Variants in PCARE observed in about 807,000 individuals in gnomAD.
The protein encoded by PCARE is photoreceptor cilium actin regulator.
A neutral mutation model predicts 82.2 loss-of-function variants in PCARE; 72 were observed. The ratio of observed to expected loss-of-function variants is 0.88; its 90% CI spans 0.72 to 1.07. The LOEUF is 1.07. PCARE is among the 50% of genes least tolerant of loss of function. PCARE has a pLI of 0.00. For synonymous variants in PCARE, 705 were observed against 634.8 expected, an observed-to-expected ratio of 1.11 and a Z score of -1.66; for missense variants, 1,768 against 1,592.4, an observed-to-expected ratio of 1.11 and a Z score of -1.88.
chr2:29,065,191 C>G lies in PCARE; in HGVS notation c.3669-124G>C, dbSNP rs1667374155. On this transcript the variant is annotated intron_variant, in intron 1 of 1. Transcript: ENST00000331664. The stretch of plus-strand genomic sequence containing the variant: ...GCCCTCTCCCACAAGCCTGTTCACC[C>G]TGGGTGCCAGGCCTCTGCCCTCTGT... 4 of 1,181,136 alleles carry G rather than the reference C, an allele frequency of 3.4e-6. No homozygotes were observed. In the South Asian group the frequency reaches 3.9e-5, roughly 12 times the overall value. The allele number at this position is 1,181,136 out of a possible 1,614,324, so 73.2% of individuals were successfully genotyped here. A position where few individuals can be genotyped will look rare whatever the true frequency, so the allele number is the denominator to read the frequency against.
rs760312266 is a variant in PCARE, at chr2:29,071,457, C to T, written c.2805G>A (p.Glu935=). The T allele has an allele frequency of 3.1e-6, 5 of 1,612,834 alleles. No individual in the cohort carries two copies. The highest frequency in any genetic ancestry group is 4.2e-6 in the Non-Finnish European group (5 of 1,179,984). ...CCTGACTCCAAGTCCCACCCTTCACCTCGGGGCTTTGGCTGGTGGCTGGTG... is the reference window on the plus strand; with the variant it reads ...CCTGACTCCAAGTCCCACCCTTCACTTCGGGGCTTTGGCTGGTGGCTGGTG... ...SSPPATSQSP[E]VKGGTWSQAE... Residue 935 remains glutamate, a synonymous_variant, in exon 1 of 2, where the codon GAG becomes GAA. Coordinates refer to ENST00000331664, the MANE Select transcript of PCARE (RefSeq NM_001029883.3).
At position 29,073,345 on chromosome 2, in the gene PCARE, T is replaced by A. The variant is rs771501919; in HGVS notation, c.917A>T (p.His306Leu). 2 of 1,613,888 alleles carry A rather than the reference T, an allele frequency of 1.2e-6. No individual in the cohort carries two copies. The highest frequency in any genetic ancestry group is 2.2e-5 in the South Asian group (2 of 91,072). ...TTTTGTGCTCAGCTTATTTTCCAAG[T>A]GGGTTGCAGTGGAGTGGAGGTAGCT... ...SSSYLHSTAT[H>L]LENKLSTKRN... Residue 306 changes from histidine (H) to leucine (L), a missense_variant, in exon 1 of 2, where the codon CAC becomes CTC. Coordinates refer to ENST00000331664, the MANE Select transcript of PCARE (RefSeq NM_001029883.3).
rs746749375 is a variant in PCARE, at chr2:29,072,065, T to G, written c.2197A>C (p.Lys733Gln). 25 of 1,614,082 alleles carry G rather than the reference T, an allele frequency of 1.5e-5. No individual in the cohort carries two copies. Among genetic ancestry groups the G allele is most frequent in the African/African-American group, 2.7e-5 (2 of 74,926 alleles). Reference sequence around the variant, plus strand: ...GTGGGACTGAAAGTTTCAATAAGCTTCTTGACGGATGTTCTGGTGGGACAG... The same window carrying G: ...GTGGGACTGAAAGTTTCAATAAGCTGCTTGACGGATGTTCTGGTGGGACAG... ...RGCPTRTSVK[K>Q]LIETFSPTES... Residue 733 changes from lysine to glutamine, a missense_variant, in exon 1 of 2, where the codon AAG becomes CAG. Coordinates refer to ENST00000331664, the MANE Select transcript of PCARE (RefSeq NM_001029883.3).
intron 1 of PCARE, among the ~76,000 whole-genome samples, chr2:29,066,736 G>A (rs2148413325): frequency 6.6e-6 from 1 of 152,390 alleles, no homozygotes; most frequent in Non-Finnish European, 1.5e-5. Flanking sequence ...CCCCATCACA[G>A]GTCCCTACAG....
Position 29,071,249 on chromosome 2 carries a change from C to T in PCARE, c.3013G>A (p.Ala1005Thr). 6.2e-7 allele frequency: 1 copy of T among 1,613,066 alleles called. No homozygotes were observed. Residue 1005 changes from alanine to threonine, a missense_variant, in exon 1 of 2, where the codon GCA becomes ACA. Ala to Thr is a moderately conservative substitution (Grantham distance 58). Coordinates refer to ENST00000331664, the MANE Select transcript of PCARE (RefSeq NM_001029883.3). ...GGAAGGCTCCGGCGCCTCTTGTCTGCTTGAGGCACCCAGTGTGTCCTCGTG... is the reference window on the plus strand; with the variant it reads ...GGAAGGCTCCGGCGCCTCTTGTCTGTTTGAGGCACCCAGTGTGTCCTCGTG... The part of the protein sequence containing the change: ...SPTRTHWVPQ[A>T]DKRRRSLPSS...
rs1024370222 is a variant in PCARE, at chr2:29,071,689, G to T, written c.2573C>A (p.Ser858Tyr). 2 of 1,614,164 alleles carry T rather than the reference G, an allele frequency of 1.2e-6. No homozygotes were observed. The highest frequency in any genetic ancestry group is 3.3e-5 in the Admixed American group (2 of 60,022). Reference sequence around the variant, plus strand: ...CCCTGGCTCCTGGGTTTCCTTGGGGGAGTTCTCTGTGGACTTGCTGCTTTC... The same window carrying T: ...CCCTGGCTCCTGGGTTTCCTTGGGGTAGTTCTCTGTGGACTTGCTGCTTTC... ...SPESSKSTEN[S>Y]PKETQEPGPG... Residue 858 changes from serine to tyrosine, a missense_variant, in exon 1 of 2, where the codon TCC becomes TAC. By Grantham distance (144) the Ser-to-Tyr change is moderately radical (BLOSUM62 -2). Transcript: ENST00000331664.
In PCARE at chr2:29,074,361, T is replaced by C; in HGVS notation, c.-100A>G. 3 of 1,295,630 alleles carry C rather than the reference T, an allele frequency of 2.3e-6. No homozygotes were observed. The highest frequency in any genetic ancestry group is 3.1e-6 in the Non-Finnish European group (3 of 953,930). 80.3% of individuals were successfully genotyped at this position (1,295,630 alleles called of 1,614,324 possible). On this transcript the variant is annotated 5_prime_UTR_variant, in exon 1 of 2. Transcript: ENST00000331664. ...CAATCTTACTAGTCCATCCAGGCAA[T>C]TTTCAGGCCAGAATTCTTTGAAGTC...
intron 1 of PCARE, among the ~76,000 whole-genome samples, chr2:29,067,302 C>A (rs1361280412): frequency 6.6e-6 from 1 of 152,190 alleles, no homozygotes; most frequent in Non-Finnish European, 1.5e-5. Context: ...AAAATGCTTG[C>A]CATTCACAGG....
rs1667332883 is a variant in PCARE, at chr2:29,062,897, T to G, written c.*1972A>C. On this transcript the variant is annotated 3_prime_UTR_variant, in exon 2 of 2. Coordinates refer to ENST00000331664, the MANE Select transcript of PCARE (RefSeq NM_001029883.3). ...CCCTGCAGCTGGGGAACAGCTTCGT[T>G]TCCTCGGACCTCCAGGAATCCTGCC... 1 of 152,266 alleles carries G rather than the reference T, an allele frequency of 6.6e-6. No individual in the cohort carries two copies. Among genetic ancestry groups the G allele is most frequent in the South Asian group, 2.1e-4 (1 of 4,826 alleles). The allele number at this position is 152,266 out of a possible 1,614,324, so 9.4% of individuals were successfully genotyped here.
At position 29,071,824 on chromosome 2, in the gene PCARE, G is replaced by C; in HGVS notation, c.2438C>G (p.Ala813Gly). The C allele has an allele frequency of 6.2e-7, 1 of 1,614,198 alleles. No individual in the cohort carries two copies. The highest frequency in any genetic ancestry group is 8.5e-7 in the Non-Finnish European group (1 of 1,180,006). ...PIFPPLPKAE[A>G]AKSEELSCEM... ...ACAGCTGAGCTCCTCACTCTTGGCT[G>C]CTTCTGCTTTAGGCAGAGGGGGAAA... Residue 813 changes from alanine (A) to glycine (G), a missense_variant, in exon 1 of 2, where the codon GCA becomes GGA. Physicochemically the swap from Ala to Gly is moderately conservative, Grantham distance 60 (BLOSUM62 0). Coordinates refer to ENST00000331664, the MANE Select transcript of PCARE (RefSeq NM_001029883.3).
rs376175165 is a variant in PCARE, at chr2:29,072,660, G to A, written c.1602C>T (p.Ser534=). 2 of 1,613,934 alleles carry A rather than the reference G, an allele frequency of 1.2e-6. No homozygotes were observed. The highest frequency in any genetic ancestry group is 1.3e-5 in the African/African-American group (1 of 74,930). The change falls in exon 1 of 2, where the codon AGC becomes AGT. Residue 534 remains serine (S), a synonymous_variant. Coordinates refer to ENST00000331664, the MANE Select transcript of PCARE (RefSeq NM_001029883.3). The stretch of plus-strand genomic sequence containing the variant: ...TCAGAATCATTTCCTGGGCCTGGAG[G>A]CTCCTAAGCCTCCTGGTGCGGGCCT... The part of the protein sequence containing the change: ...PFQARTRRLR[S]LQAQEMILKM...
chr2:29,071,106 G>T lies in PCARE; in HGVS notation c.3156C>A (p.His1052Gln). The change falls in exon 1 of 2, where the codon CAC becomes CAA. Residue 1052 changes from histidine to glutamine, a missense_variant. Coordinates refer to ENST00000331664, the MANE Select transcript of PCARE (RefSeq NM_001029883.3). ...PTTKRRTSPP[H>Q]QPKLPNPPPE... ...GGGGAGGGTTGGGCAACTTGGGCTG[G>T]TGCGGTGGGGAAGTTCGCCGCTTTG... The T allele has an allele frequency of 1.9e-6, 3 of 1,596,372 alleles. No homozygotes were observed. The highest frequency in any genetic ancestry group is 2.6e-6 in the Non-Finnish European group (3 of 1,170,756).
rs777811521 is a variant in PCARE at position 29,072,858 on chromosome 2, G to T, written c.1404C>A (p.His468Gln). The T allele has an allele frequency of 4.3e-6, 7 of 1,614,166 alleles. No individual in the cohort carries two copies. The South Asian group carries it at 7.7e-5, about 18-fold the overall frequency. The change falls in exon 1 of 2, where the codon CAC becomes CAA. Residue 468 changes from histidine to glutamine, a missense_variant. Transcript: ENST00000331664. ...CCATCGGCCTGGAGGTTTTGGAAAG[G>T]TGTGGTTCCACAGAGACCCCAATCC... ...SFGIGVSVEP[H>Q]LSKTSRPMDA...
intron 1 of PCARE, among the ~76,000 whole-genome samples, chr2:29,066,147 TTAAAA>T (rs1444471467): frequency 6.6e-6 from 1 of 152,150 alleles, no homozygotes; most frequent in Non-Finnish European, 1.5e-5. Context: ...AAACTCTGTC[TTAAAA>T]TAAAAATAAA....
Position 29,070,884 on chromosome 2 carries a change from A to G in PCARE, c.3378T>C (p.Ala1126=), listed in dbSNP as rs1274770000. The change falls in exon 1 of 2, where the codon GCT becomes GCC. Residue 1126 remains alanine (A), a synonymous_variant. Coordinates refer to ENST00000331664, the MANE Select transcript of PCARE (RefSeq NM_001029883.3). The part of the protein sequence containing the change: ...SGNTHSIFCP[A]TSSLFEAKPP... The stretch of plus-strand genomic sequence containing the variant: ...GTTTAGCTTCAAACAGAGAGGAGGT[A>G]GCTGGGCAGAATATGGAATGTGTGT... The G allele has an allele frequency of 1.9e-6, 3 of 1,613,526 alleles. No individual in the cohort carries two copies. The highest frequency in any genetic ancestry group is 3.3e-5 in the Admixed American group (2 of 60,000).
Position 29,072,808 on chromosome 2 carries a change from T to G in PCARE, c.1454A>C (p.Glu485Ala). The G allele has an allele frequency of 1.2e-6, 2 of 1,614,196 alleles. No homozygotes were observed. Among genetic ancestry groups the G allele is most frequent in the South Asian group, 2.2e-5 (2 of 91,080 alleles). ...PMDASSLSDS[E>A]DSSPEEEEED... ...CTCCTCCTCCTCTGGGCTGCTGTCCTCGCTGTCACTAAGAGATGAAGCGTC... is the reference window on the plus strand; with the variant it reads ...CTCCTCCTCCTCTGGGCTGCTGTCCGCGCTGTCACTAAGAGATGAAGCGTC... The change falls in exon 1 of 2, where the codon GAG becomes GCG. Residue 485 changes from glutamate to alanine, a missense_variant. Coordinates refer to ENST00000331664, the MANE Select transcript of PCARE (RefSeq NM_001029883.3).
In PCARE at chr2:29,071,462, G is replaced by A. The variant is rs1459183750; in HGVS notation, c.2800C>T (p.Pro934Ser). Residue 934 changes from proline (P) to serine (S), a missense_variant, in exon 1 of 2, where the codon CCC (proline) becomes TCC (serine). Coordinates refer to ENST00000331664, the MANE Select transcript of PCARE (RefSeq NM_001029883.3). Reference sequence around the variant, plus strand: ...CTCCAAGTCCCACCCTTCACCTCGGGGCTTTGGCTGGTGGCTGGTGGGCTG... The same window carrying A: ...CTCCAAGTCCCACCCTTCACCTCGGAGCTTTGGCTGGTGGCTGGTGGGCTG... ...LSSPPATSQS[P>S]EVKGGTWSQA... 2 of 1,612,466 alleles carry A rather than the reference G, an allele frequency of 1.2e-6. No individual in the cohort carries two copies. The highest frequency in any genetic ancestry group is 1.7e-5 in the Admixed American group (1 of 60,022).
At position 29,070,723 on chromosome 2, in the gene PCARE, G is replaced by GCTGCTCTCCGCTGCGAGT. The variant is rs773072098; in HGVS notation, c.3521_3538dup (p.Asp1174_Ala1179dup). On this transcript the variant is annotated inframe_insertion, in exon 1 of 2. Transcript: ENST00000331664. ...AGGCAGAGGGTTGAGGGCACACAGAGCTGCTCTCCGCTGCGAGTCTGCTCT... is the reference window on the plus strand; with the variant it reads ...AGGCAGAGGGTTGAGGGCACACAGAGCTGCTCTCCGCTGCGAGTCTGCTCTCCGCTGCGAGTCTGCTCT... 3 of 1,614,152 alleles carry GCTGCTCTCCGCTGCGAGT rather than the reference G, an allele frequency of 1.9e-6. No homozygotes were observed. The highest frequency in any genetic ancestry group is 4.5e-5 in the East Asian group (2 of 44,874).
rs558827671 is a variant in PCARE at position 29,071,600 on chromosome 2, G to A, written c.2662C>T (p.Pro888Ser). 15 of 1,612,674 alleles carry A rather than the reference G, an allele frequency of 9.3e-6. No individual in the cohort carries two copies. In the South Asian group the frequency reaches 1.5e-4, roughly 17 times the overall value. The change falls in exon 1 of 2, where the codon CCC (proline) becomes TCC (serine). Residue 888 changes from proline (P) to serine (S), a missense_variant. Pro to Ser is a moderately conservative substitution (Grantham distance 74, BLOSUM62 -1). Transcript: ENST00000331664. ...CTCTTGCTGGGCAGCAAGTCCAGGGGGCTCACAGAGGCCCTCAGCTTTGGG... is the reference window on the plus strand; with the variant it reads ...CTCTTGCTGGGCAGCAAGTCCAGGGAGCTCACAGAGGCCCTCAGCTTTGGG... ...ASPKLRASVS[P>S]LDLLPSKSTA... is the part of the protein sequence containing the mutation.
Sources: allele counts gnomAD v4.1 joint callset (sites outside exome capture counted in the v4.1 genomes callset), GRCh38; gene constraint gnomAD v4.1.1; transcripts MANE v1.5; gene names NCBI Gene and HGNC (gene_info 2026-07-23, HGNC 2026-07-21).